The following CNTN4 variants were observed in gnomAD, a reference collection of about 807,000 sequenced individuals.
CNTN4 encodes the protein contactin-4.
CNTN4 carries 77 observed loss-of-function variants against 122.5 expected under a neutral mutation model. The observed-to-expected ratio is 0.63, with a 90% confidence interval of 0.52 to 0.76. The LOEUF (loss-of-function observed/expected upper bound fraction) is 0.76. Ranked by LOEUF, CNTN4 falls within the 30% of genes least tolerant of loss-of-function variation. CNTN4 has a pLI of 0.00. For synonymous variants in CNTN4, 512 were observed against 447.0 expected (o/e 1.15, Z -1.83); for missense variants, 1,256 against 1,259.1 (o/e 1.00, Z 0.04).
chr3:2,552,407 G>C (rs896770177), intron 3 of CNTN4, among the ~76,000 whole-genome samples: 3 of 152,144 alleles, frequency 2.0e-5, no homozygotes, highest in African/African-American at 7.2e-5. Context: ...ACATTTGTCT[G>C]CCCTTGTAAA....
At chr3:2,247,624 C>A (rs1268233155) in intron 2 of CNTN4, among the ~76,000 whole-genome samples, 2 of 151,898 alleles carry the variant, frequency 1.3e-5, no homozygotes, top group Non-Finnish European at 2.9e-5. Context: ...GGACTGTATT[C>A]TTGATGATAA....
chr3:2,707,017 A>G (rs866030117), intron 4 of CNTN4, among the ~76,000 whole-genome samples: 1 of 151,988 alleles, frequency 6.6e-6, no homozygotes, highest in African/African-American at 2.4e-5. Flanking sequence ...ATAAAACTTC[A>G]AGTCCCACAG....
At chr3:2,566,345 A>G (rs2079158190) in intron 3 of CNTN4, among the ~76,000 whole-genome samples, 1 of 152,214 alleles carries the variant, frequency 6.6e-6, no homozygotes, top group Non-Finnish European at 1.5e-5. Flanking sequence ...ATAGCCTCTC[A>G]TATTCTAATT....
Position 2,650,076 on chromosome 3 carries a change from A to AATAT in CNTN4, c.55+78532_55+78535dup, listed in dbSNP as rs139412989. Among the ~76,000 whole-genome samples, 258 of 145,564 alleles carry AATAT rather than the reference A, an allele frequency of 1.8e-3. 1 individual carries two copies. Among genetic ancestry groups the AATAT allele is most frequent in the South Asian group, 5.3e-3 (25 of 4,688 alleles). On this transcript the variant is annotated intron_variant, in intron 4 of 24. Coordinates refer to ENST00000418658, the MANE Select transcript of CNTN4 (RefSeq NM_175607.3). The stretch of plus-strand genomic sequence containing the variant: ...TATGTATAAAATATGTATTTTTATA[A>AATAT]ATATATATATATATATAAAAGGGAA...
intron 4 of CNTN4, among the ~76,000 whole-genome samples, chr3:2,586,709 A>G (rs910417910): frequency 6.6e-6 from 1 of 152,224 alleles, no homozygotes; most frequent in African/African-American, 2.4e-5. Context: ...CTGATTTGCT[A>G]CATGACTATG....
At chr3:2,111,114 A>C (rs1559251104) in intron 2 of CNTN4, among the ~76,000 whole-genome samples, 1 of 152,202 alleles carries the variant, frequency 6.6e-6, no homozygotes, top group East Asian at 1.9e-4. Context: ...CAAAAGCCTT[A>C]GTATTTACCC....
intron 2 of CNTN4, among the ~76,000 whole-genome samples, chr3:2,165,315 C>T (rs976926953): frequency 4.7e-5 from 7 of 150,446 alleles, no homozygotes; most frequent in African/African-American, 1.7e-4. Flanking sequence ...AAGAGCAAGA[C>T]TGCATCTTAA....
chr3:2,147,585 C>A lies in CNTN4; in HGVS notation c.-145+46946C>A, dbSNP rs569595570. ...CCTCCACTCTTTAACCTTCCTTGCC[C>A]ATTTTTTGTAGAGATGCCAGTGAGG... On this transcript the variant is annotated intron_variant, in intron 2 of 24. Transcript: ENST00000418658. 2.0e-5 allele frequency among the ~76,000 whole-genome samples: 3 copies of A among 152,244 alleles called. No individual in the cohort carries two copies. In the South Asian group the frequency reaches 6.2e-4, roughly 32 times the overall value.
At chr3:2,744,434 G>A (rs1324683646) in intron 5 of CNTN4, among the ~76,000 whole-genome samples, 1 of 152,150 alleles carries the variant, frequency 6.6e-6, no homozygotes, top group Non-Finnish European at 1.5e-5. Context: ...AAGGTTAATG[G>A]CTCTCATTCC....
intron 6 of CNTN4, among the ~76,000 whole-genome samples, chr3:2,814,520 A>G (rs928408694): frequency 1.3e-5 from 2 of 152,244 alleles, no homozygotes; most frequent in African/African-American, 4.8e-5. Flanking sequence ...AGAAAAGCAG[A>G]GGAATAGAAG....
chr3:2,427,221 T>G (rs570392786), intron 3 of CNTN4, among the ~76,000 whole-genome samples: 12 of 152,336 alleles, frequency 7.9e-5, no homozygotes, highest in Admixed American at 7.8e-4. Flanking sequence ...TGCTATAAAT[T>G]TCCCTCTACA....
chr3:2,313,009 A>G (rs191938860), intron 2 of CNTN4, among the ~76,000 whole-genome samples: 3 of 152,186 alleles, frequency 2.0e-5, no homozygotes, highest in Admixed American at 6.6e-5. Context: ...AGCCTTAAAA[A>G]AGTTATCACA....
chr3:2,168,266 G>A (rs930641711), intron 2 of CNTN4, among the ~76,000 whole-genome samples: 1 of 152,070 alleles, frequency 6.6e-6, no homozygotes, highest in African/African-American at 2.4e-5. Context: ...AATCTTATAG[G>A]TTATATTGTC....
At chr3:2,200,621 G>A (rs2038053617) in intron 2 of CNTN4, among the ~76,000 whole-genome samples, 3 of 152,302 alleles carry the variant, frequency 2.0e-5, no homozygotes, top group Admixed American at 6.5e-5. Flanking sequence ...ACCTTACAAG[G>A]TGGTTGTGAG....
chr3:2,314,685 C>T (rs773808143), intron 2 of CNTN4, among the ~76,000 whole-genome samples: 1 of 151,500 alleles, frequency 6.6e-6, no homozygotes, highest in Non-Finnish European at 1.5e-5. Context: ...AGATATCTAT[C>T]GATTTAATAC....
chr3:2,751,805 A>C (rs1377144937), intron 6 of CNTN4, among the ~76,000 whole-genome samples: 1 of 152,124 alleles, frequency 6.6e-6, no homozygotes, highest in African/African-American at 2.4e-5. Context: ...AATAAATTTC[A>C]GTACACACCC....
chr3:2,806,978 G>T (rs2092482249), intron 6 of CNTN4, among the ~76,000 whole-genome samples: 1 of 152,112 alleles, frequency 6.6e-6, no homozygotes, highest in African/African-American at 2.4e-5. Flanking sequence ...GGGCATCAAC[G>T]ACACTATGTG....
intron 3 of CNTN4, among the ~76,000 whole-genome samples, chr3:2,439,362 A>G (rs1306830697): frequency 6.6e-6 from 1 of 151,998 alleles, no homozygotes; most frequent in Non-Finnish European, 1.5e-5. Flanking sequence ...TTTGAGAACC[A>G]TTGTTCTGTT....
chr3:2,447,692 T>A (rs886349408), intron 3 of CNTN4, among the ~76,000 whole-genome samples: 1 of 152,130 alleles, frequency 6.6e-6, no homozygotes, highest in Admixed American at 6.6e-5. Flanking sequence ...ATATTAAAAA[T>A]GTATATACCT....
Sources: gnomAD v4.1 joint callset for allele counts (sites outside exome capture counted in the v4.1 genomes callset) on GRCh38, gnomAD v4.1.1 for gene constraint, MANE v1.5 for transcripts, NCBI Gene and HGNC (gene_info 2026-07-23, HGNC 2026-07-21) for gene names.